Variants in DAPK1 observed in about 807,000 individuals in gnomAD.
The protein encoded by DAPK1 is death-associated protein kinase 1.
A neutral mutation model predicts 144.9 loss-of-function variants in DAPK1; 56 were observed. The observed-to-expected ratio is 0.39, with a 90% CI of 0.31 to 0.48. The LOEUF (loss-of-function observed/expected upper bound fraction) is 0.48, where lower values mean the gene tolerates loss of function less well. DAPK1 is among the 20% of genes least tolerant of loss of function. The pLI, the probability that DAPK1 is intolerant of heterozygous loss-of-function variation, is 0.95. For missense variants in DAPK1, 1,454 were observed against 1,875.4 expected, an observed-to-expected ratio of 0.78 and a Z score of 4.15; for synonymous variants, 690 against 749.0, an observed-to-expected ratio of 0.92 and a Z score of 1.29.
chr9:87,689,100 A>AT (rs924498399), intron 21 of DAPK1, among the ~76,000 whole-genome samples: 8 of 150,066 alleles, frequency 5.3e-5, no homozygotes, highest in South Asian at 4.3e-4. Flanking sequence ...TTTATCTTGA[A>AT]TTTTTTTTTT....
In DAPK1 at chr9:87,525,980, TG is replaced by T. The variant is rs1202368456; in HGVS notation, c.62+26842del. Among the ~76,000 whole-genome samples the T allele has an allele frequency of 3.2e-3, 484 of 152,256 alleles. 2 individuals are homozygous for T. Among genetic ancestry groups the T allele is most frequent in the African/African-American group, 0.011 (448 of 41,556 alleles). On this transcript the variant is annotated intron_variant, in intron 2 of 25. Transcript: ENST00000408954. The stretch of plus-strand genomic sequence containing the variant: ...TTTTTGTTGGGTTTTGCTCTTTTAC[TG>T]ATTTCTACTAGATTTTTTGGCTCCT...
chr9:87,673,816 C>T (rs1481164926), intron 19 of DAPK1, among the ~76,000 whole-genome samples: 1 of 152,124 alleles, frequency 6.6e-6, no homozygotes, highest in African/African-American at 2.4e-5. Flanking sequence ...GTCTGCTTCT[C>T]CCTACCAAAG....
At chr9:87,617,584 C>T (rs1372246448) in intron 3 of DAPK1, among the ~76,000 whole-genome samples, 2 of 152,210 alleles carry the variant, frequency 1.3e-5, no homozygotes, top group African/African-American at 4.8e-5. Flanking sequence ...TCCATTTCCA[C>T]TACTGCCACT....
chr9:87,640,901 G>T, intron 9 of DAPK1, 54 bp downstream of exon 9: 1 of 1,545,768 alleles, frequency 6.5e-7, no homozygotes, highest in Non-Finnish European at 8.9e-7. Context: ...ATTGGTTTGG[G>T]CACCCTGGTA....
Position 87,637,986 on chromosome 9 carries a change from T to C in DAPK1, c.328T>C (p.Ser110Pro). ...GTTTGACTTCTTAGCTGAAAAGGAA[T>C]CTTTAACTGAAGAGGAAGCAACTGA... ...ELFDFLAEKE[S>P]LTEEEATEFL... The change falls in exon 4 of 26, where the codon TCT becomes CCT. Residue 110 changes from serine (S) to proline (P), a missense_variant. Around this residue, in one of 2 missense-constraint regions of DAPK1, gnomAD observed 429 missense variants for 637.5 expected, o/e 0.67. Coordinates refer to ENST00000408954, the MANE Select transcript of DAPK1 (RefSeq NM_004938.4). 1 of 1,614,174 alleles carries C rather than the reference T, an allele frequency of 6.2e-7. No individual in the cohort carries two copies. Among genetic ancestry groups the C allele is most frequent in the Non-Finnish European group, 8.5e-7 (1 of 1,179,998 alleles).
At chr9:87,589,983 C>T (rs58736067) in intron 2 of DAPK1, among the ~76,000 whole-genome samples, 4,615 of 152,298 alleles carry the variant, frequency 0.03, 225 homozygotes, top group African/African-American at 0.1. Flanking sequence ...CGTTTCCATT[C>T]TACTTTTCTT....
intron 3 of DAPK1, among the ~76,000 whole-genome samples, chr9:87,622,684 G>A (rs1829342748): frequency 1.3e-5 from 2 of 152,168 alleles, no homozygotes; most frequent in South Asian, 4.1e-4. Flanking sequence ...GCCGAGGCAG[G>A]TGGATTGCCT....
intron 2 of DAPK1, among the ~76,000 whole-genome samples, chr9:87,600,744 T>C (rs1324766322): frequency 1.3e-5 from 2 of 152,210 alleles, no homozygotes; most frequent in African/African-American, 4.8e-5. Flanking sequence ...CCCCCATCCA[T>C]TGAACAGCCC....
At chr9:87,639,911 A>G in intron 7 of DAPK1, 96 bp downstream of exon 7, 2 of 1,329,916 alleles carry the variant, frequency 1.5e-6, no homozygotes, top group South Asian at 1.3e-5. Context: ...TCTTCAGCTT[A>G]TGCATGCTTT....
At chr9:87,637,830 A>G (rs1829954908) in intron 3 of DAPK1, 113 bp from the exon 4 acceptor site, 3 of 1,189,318 alleles carry the variant, frequency 2.5e-6, no homozygotes, top group Admixed American at 2.3e-5. Flanking sequence ...CGGTTTCAGC[A>G]TAGTCTTTAT....
Position 87,640,346 on chromosome 9 carries a change from A to T in DAPK1, c.678A>T (p.Leu226Phe), listed in dbSNP as rs1830052978. 1 of 1,614,128 alleles carries T rather than the reference A, an allele frequency of 6.2e-7. No homozygotes were observed. ...PFLGDTKQET[L>F]ANVSAVNYEF... The stretch of plus-strand genomic sequence containing the variant: ...TTGGAGACACTAAGCAAGAAACGTT[A>T]GCAAATGTATCCGCTGTCAACTACG... The change falls in exon 8 of 26, where the codon TTA becomes TTT. Residue 226 changes from leucine (L) to phenylalanine (F), a missense_variant. By Grantham distance (22) the Leu-to-Phe change is conservative. Coordinates refer to ENST00000408954, the MANE Select transcript of DAPK1 (RefSeq NM_004938.4).
At chr9:87,700,013 C>G in intron 23 of DAPK1, 104 bp from the exon 24 acceptor site, 1 of 915,458 alleles carries the variant, frequency 1.1e-6, no homozygotes, top group Non-Finnish European at 1.7e-6. Flanking sequence ...CCAGAACTTT[C>G]CTTCCCTCCT....
intron 2 of DAPK1, among the ~76,000 whole-genome samples, chr9:87,505,110 G>A (rs1053494460): frequency 6.6e-6 from 1 of 152,186 alleles, no homozygotes; most frequent in Non-Finnish European, 1.5e-5. Context: ...TTAGGGGTGA[G>A]GGGCTGAGCT....
chr9:87,527,087 T>C (rs1825539359), intron 2 of DAPK1, among the ~76,000 whole-genome samples: 1 of 152,218 alleles, frequency 6.6e-6, no homozygotes, highest in Admixed American at 6.5e-5. Flanking sequence ...TGTGATTATT[T>C]AGCTGATGGA....
At chr9:87,555,134 T>C (rs981613429) in intron 2 of DAPK1, among the ~76,000 whole-genome samples, 5 of 152,340 alleles carry the variant, frequency 3.3e-5, no homozygotes, top group African/African-American at 1.2e-4. Flanking sequence ...ACTTAAGGAC[T>C]TGGGGGTTTA....
At chr9:87,633,724 G>A (rs1214939163) in intron 3 of DAPK1, among the ~76,000 whole-genome samples, 1 of 152,162 alleles carries the variant, frequency 6.6e-6, no homozygotes, top group Non-Finnish European at 1.5e-5. Context: ...GGCCAGAGAA[G>A]GGCAAGCCTA....
chr9:87,582,799 C>G (rs1172127952), intron 2 of DAPK1, among the ~76,000 whole-genome samples: 1 of 152,050 alleles, frequency 6.6e-6, no homozygotes, highest in African/African-American at 2.4e-5. Flanking sequence ...GTGATCCCCC[C>G]ACCTCGGCCT....
At chr9:87,513,841 C>G (rs1287110313) in intron 2 of DAPK1, among the ~76,000 whole-genome samples, 1 of 152,186 alleles carries the variant, frequency 6.6e-6, no homozygotes, top group East Asian at 1.9e-4. Flanking sequence ...CGCCTTGCTT[C>G]CTCTAAACCA....
chr9:87,685,380 G>A (rs1406160764), intron 20 of DAPK1, among the ~76,000 whole-genome samples: 1 of 152,094 alleles, frequency 6.6e-6, no homozygotes, highest in African/African-American at 2.4e-5. Flanking sequence ...TGTTTGGATC[G>A]CCTGTTTTAA....
Sources: allele counts gnomAD v4.1 joint callset (sites outside exome capture counted in the v4.1 genomes callset), GRCh38; gene constraint gnomAD v4.1.1; regional missense constraint gnomAD v4.1.1; transcripts MANE v1.5; gene names NCBI Gene and HGNC (gene_info 2026-07-23, HGNC 2026-07-21).